Variants in ECPAS observed in about 807,000 individuals in gnomAD.
ECPAS encodes Ecm29 proteasome adaptor and scaffold, also known as proteasome adapter and scaffold protein ECM29.
A neutral mutation model predicts 255.1 loss-of-function variants in ECPAS; 70 were observed. The observed-to-expected ratio is 0.27, with a 90% confidence interval of 0.23 to 0.33. The LOEUF is 0.33. Ranked by LOEUF, ECPAS falls within the 10% of genes least tolerant of loss-of-function variation. The pLI is 1.00. For synonymous variants in ECPAS, 784 were observed against 775.0 expected (o/e 1.01, Z -0.19); for missense variants, 1,817 against 2,206.4 (o/e 0.82, Z 3.54).
At chr9:111,443,718 T>C (rs1468515048) in intron 4 of ECPAS, among the ~76,000 whole-genome samples, 1 of 152,122 alleles carries the variant, frequency 6.6e-6, no homozygotes, top group Non-Finnish European at 1.5e-5. Context: ...TCTGGACCAA[T>C]AACAGGCTCC....
rs1262460798 is a variant in ECPAS at position 111,371,514 on chromosome 9, A to T, written c.4737+107T>A. The T allele has an allele frequency of 2.8e-6, 3 of 1,061,402 alleles. No homozygotes were observed. In the East Asian group the frequency reaches 7.2e-5, roughly 25 times the overall value. 65.7% of individuals were successfully genotyped at this position (1,061,402 alleles called of 1,614,324 possible). On this transcript the variant is annotated intron_variant, in intron 43 of 49. Transcript: ENST00000684092. ...TTCCACTGTCTAGGAAATCTAGTTC[A>T]CAAAAATAATCCATTGGAAAAGTTA...
chr9:111,443,812 C>A (rs974580499), intron 4 of ECPAS, among the ~76,000 whole-genome samples: 5 of 152,118 alleles, frequency 3.3e-5, no homozygotes, highest in African/African-American at 9.7e-5. Context: ...GGAAAAAAAA[C>A]ATCACCTGCC....
intron 2 of ECPAS, among the ~76,000 whole-genome samples, chr9:111,472,582 A>G (rs1176700646): frequency 1.3e-5 from 2 of 151,626 alleles, no homozygotes; most frequent in African/African-American, 4.9e-5. Flanking sequence ...CAAGGCTACA[A>G]TGAGCCATGA....
intron 1 of ECPAS, chr9:111,483,362 C>G (rs2132153335): frequency 4.7e-6 from 1 of 211,914 alleles, no homozygotes. Context: ...GTCCGCCAGG[C>G]CCGGGCTCCC....
chr9:111,478,513 CG>C (rs1223342378), intron 1 of ECPAS, among the ~76,000 whole-genome samples: 2 of 151,850 alleles, frequency 1.3e-5, no homozygotes, highest in Non-Finnish European at 2.9e-5. Context: ...GACAACAGTG[CG>C]AGACTCCATC....
In ECPAS at chr9:111,412,116, G is replaced by A. The variant is rs1254702575; in HGVS notation, c.2112C>T (p.Arg704=). The change falls in exon 21 of 50, where the codon CGC becomes CGT. Residue 704 remains arginine (R), a synonymous_variant. Coordinates refer to ENST00000684092, the MANE Select transcript of ECPAS (RefSeq NM_001364929.1). ...CAGAATAAAACAACGCTGCCAGTTC[G>A]CGCATTTCTTCTTTACTGTTATTCA... ...SLMNNSKEEM[R]ELAALFYSVV... 17 of 1,589,376 alleles carry A rather than the reference G, an allele frequency of 1.1e-5. No individual in the cohort carries two copies. Among genetic ancestry groups the A allele is most frequent in the South Asian group, 4.7e-5 (4 of 85,294 alleles).
chr9:111,382,456 T>C (rs55983629), intron 35 of ECPAS, among the ~76,000 whole-genome samples: 8,408 of 151,648 alleles, frequency 0.055, 562 homozygotes, highest in African/African-American at 0.15. Context: ...TTAGTAGAGA[T>C]GGGGTTTCTC....
chr9:111,372,675 A>T (rs1589114580), intron 41 of ECPAS, 55 bp from the exon 42 acceptor site: 1 of 1,342,226 alleles, frequency 7.5e-7, no homozygotes, highest in Non-Finnish European at 1.0e-6. Context: ...AGGGTAACTG[A>T]TCTAAACAGG....
chr9:111,362,217 A>G, intron 49 of ECPAS, 48 bp from the exon 50 acceptor site: 1 of 1,475,556 alleles, frequency 6.8e-7, no homozygotes, highest in Non-Finnish European at 9.1e-7. Flanking sequence ...AAAACAAAGC[A>G]AAAAGAAAAA....
rs192480597 is a variant in ECPAS at position 111,469,832 on chromosome 9, A to T, written c.22+3065T>A. On this transcript the variant is annotated intron_variant, in intron 2 of 49. Coordinates refer to ENST00000684092, the MANE Select transcript of ECPAS (RefSeq NM_001364929.1). ...TCAAAAAAAAAAAAGACGCCATCTC[A>T]AAAAAAAGAATGTCTAGAAATGTGA... 2.4e-3 allele frequency among the ~76,000 whole-genome samples: 364 copies of T among 151,944 alleles called. 3 individuals carry two copies. Among genetic ancestry groups the T allele is most frequent in the Non-Finnish European group, 4.0e-3 (272 of 67,942 alleles).
chr9:111,371,704 T>C lies in ECPAS; in HGVS notation c.4654A>G (p.Thr1552Ala), dbSNP rs2131507094. Residue 1552 changes from threonine (T) to alanine (A), a missense_variant, in exon 43 of 50, where the codon ACT becomes GCT. Thr to Ala is a moderately conservative substitution (Grantham distance 58, BLOSUM62 0). Coordinates refer to ENST00000684092, the MANE Select transcript of ECPAS (RefSeq NM_001364929.1). ...AGATATGGAGGTACTAGAGAGCTAG[T>C]CTGTTTTGCAATTGATGCCATGGCA... ...AIAMASIAKQ[T>A]SSLVPPYLGM... 1 of 1,613,874 alleles carries C rather than the reference T, an allele frequency of 6.2e-7. No homozygotes were observed. The highest frequency in any genetic ancestry group is 2.2e-5 in the East Asian group (1 of 44,872).
intron 6 of ECPAS, among the ~76,000 whole-genome samples, chr9:111,438,463 C>T (rs1327944620): frequency 6.6e-6 from 1 of 152,044 alleles, no homozygotes; most frequent in Non-Finnish European, 1.5e-5. Flanking sequence ...AAAAAATTAG[C>T]TGGGTGTGGT....
intron 24 of ECPAS, among the ~76,000 whole-genome samples, chr9:111,407,433 A>AC (rs2098186607): frequency 2.0e-5 from 3 of 146,604 alleles, no homozygotes; most frequent in African/African-American, 7.5e-5. Context: ...AAAAAAAAAA[A>AC]AAAAACCTAG....
intron 9 of ECPAS, among the ~76,000 whole-genome samples, chr9:111,429,833 A>G (rs1011882773): frequency 6.6e-6 from 1 of 152,196 alleles, no homozygotes; most frequent in Admixed American, 6.5e-5. Flanking sequence ...GCTAAACCCC[A>G]ACTCAAACAA....
At chr9:111,443,498 C>T (rs923633644) in intron 4 of ECPAS, among the ~76,000 whole-genome samples, 10 of 152,162 alleles carry the variant, frequency 6.6e-5, no homozygotes, top group African/African-American at 2.4e-4. Context: ...ATCAGCTGGC[C>T]TCAACCTCCC....
chr9:111,431,143 C>T (rs2098229345), intron 8 of ECPAS, among the ~76,000 whole-genome samples: 2 of 152,242 alleles, frequency 1.3e-5, no homozygotes, highest in South Asian at 2.1e-4. Context: ...TTCCCAGCAT[C>T]CCCCTCCTTC....
At chr9:111,389,422 A>T (rs1831946737) in intron 31 of ECPAS, 134 bp downstream of exon 31, 1 of 759,604 alleles carries the variant, frequency 1.3e-6, no homozygotes, top group Admixed American at 3.6e-5. Context: ...AAAGCATGGA[A>T]TGAAAGACAA....
chr9:111,452,220 G>GTT (rs2098261209), intron 2 of ECPAS, among the ~76,000 whole-genome samples: 6 of 152,150 alleles, frequency 3.9e-5, no homozygotes, highest in Non-Finnish European at 8.8e-5. Context: ...AGGAATTACT[G>GTT]TTAAAATTGT....
At chr9:111,372,379 T>G (rs763675295) in intron 42 of ECPAS, 50 bp downstream of exon 42, 1 of 1,535,154 alleles carries the variant, frequency 6.5e-7, no homozygotes, top group Admixed American at 1.8e-5. Flanking sequence ...AGTAAAAAAT[T>G]CTAGCTGTGA....
Sources: gnomAD v4.1 joint callset for allele counts (sites outside exome capture counted in the v4.1 genomes callset) on GRCh38, gnomAD v4.1.1 for gene constraint, MANE v1.5 for transcripts, NCBI Gene and HGNC (gene_info 2026-07-23, HGNC 2026-07-21) for gene names.